The following SNTB1 variants were observed in gnomAD, a reference collection of about 807,000 sequenced individuals.
The protein encoded by SNTB1 is syntrophin beta 1.
Under a neutral mutation model 48.9 loss-of-function variants are expected in SNTB1, and 36 were observed. The ratio of observed to expected loss-of-function variants is 0.74; its 90% CI spans 0.56 to 0.97. The LOEUF (loss-of-function observed/expected upper bound fraction) is 0.97. Ranked by LOEUF, SNTB1 falls within the 50% of genes least tolerant of loss-of-function variation. The pLI is 0.00. For missense variants in SNTB1, 786 were observed against 703.4 expected, an observed-to-expected ratio of 1.12 and a Z score of -1.33; for synonymous variants, 299 against 294.6, an observed-to-expected ratio of 1.01 and a Z score of -0.15.
intron 3 of SNTB1, among the ~76,000 whole-genome samples, chr8:120,591,320 G>A (rs1816237132): frequency 6.6e-6 from 1 of 152,070 alleles, no homozygotes; most frequent in African/African-American, 2.4e-5. Flanking sequence ...GTGAGATTTA[G>A]CCTACTTCAT....
At chr8:120,741,551 G>A (rs1819041119) in intron 1 of SNTB1, among the ~76,000 whole-genome samples, 1 of 152,202 alleles carries the variant, frequency 6.6e-6, no homozygotes, top group Admixed American at 6.5e-5. Context: ...GGAGGTTGCA[G>A]TGAGCCGAGG....
intron 3 of SNTB1, among the ~76,000 whole-genome samples, chr8:120,589,513 A>C (rs1329334193): frequency 1.3e-5 from 2 of 152,228 alleles, no homozygotes; most frequent in Admixed American, 1.3e-4. Context: ...GGCTGCTATA[A>C]CAAATTACCA....
chr8:120,721,207 G>T (rs1818653928), intron 1 of SNTB1, among the ~76,000 whole-genome samples: 1 of 152,134 alleles, frequency 6.6e-6, no homozygotes, highest in Non-Finnish European at 1.5e-5. Context: ...TTTTTAATGA[G>T]AATTTACTTT....
At chr8:120,625,367 A>AC (rs1195175896) in intron 3 of SNTB1, among the ~76,000 whole-genome samples, 5 of 151,584 alleles carry the variant, frequency 3.3e-5, no homozygotes, top group Non-Finnish European at 5.9e-5. Flanking sequence ...AAATGTACAC[A>AC]CCCCCCTGTC....
chr8:120,746,574 G>GA lies in SNTB1; in HGVS notation c.572-52667dup, dbSNP rs1353686104. On this transcript the variant is annotated intron_variant, in intron 1 of 6. Coordinates refer to ENST00000517992, the MANE Select transcript of SNTB1 (RefSeq NM_021021.4). Reference sequence around the variant, plus strand: ...AATATTTACTCTTTGGCTCTTTACAGAAAAAATTTACCTACCCCAGCTTTA... The same window carrying GA: ...AATATTTACTCTTTGGCTCTTTACAGAAAAAAATTTACCTACCCCAGCTTTA... Among the ~76,000 whole-genome samples, 7 of 152,140 alleles carry GA rather than the reference G, an allele frequency of 4.6e-5. No individual in the cohort carries two copies. The East Asian group carries it at 5.8e-4, about 13-fold the overall frequency.
rs762313703 is a variant in SNTB1 at position 120,606,894 on chromosome 8, CTT to C, written c.996+25548_996+25549del. Among the ~76,000 whole-genome samples the C allele has an allele frequency of 1.8e-3, 272 of 152,270 alleles. 5 individuals carry two copies. The Middle Eastern group carries it at 0.061, about 34-fold the overall frequency. ...AAGTTAGGGAAAATAAAAGAATACT[CTT>C]TATCCCCACAATTACATACCATTGT... On this transcript the variant is annotated intron_variant, in intron 3 of 6. Transcript: ENST00000517992.
At chr8:120,644,328 A>T (rs1817246461) in intron 2 of SNTB1, among the ~76,000 whole-genome samples, 1 of 102,230 alleles carries the variant, frequency 9.8e-6, no homozygotes, top group Non-Finnish European at 1.9e-5. Context: ...CCACCCCACA[A>T]CAGTCCCCAG....
At chr8:120,810,169 A>G (rs1820401388) in intron 1 of SNTB1, among the ~76,000 whole-genome samples, 1 of 152,216 alleles carries the variant, frequency 6.6e-6, no homozygotes, top group Non-Finnish European at 1.5e-5. Context: ...ACCACTAAAT[A>G]AAAGACTCCA....
At chr8:120,625,369 C>G (rs763409812) in intron 3 of SNTB1, among the ~76,000 whole-genome samples, 57 of 152,126 alleles carry the variant, frequency 3.7e-4, no homozygotes, top group Admixed American at 2.4e-3. Flanking sequence ...ATGTACACAC[C>G]CCCCTGTCTT....
intron 1 of SNTB1, among the ~76,000 whole-genome samples, chr8:120,744,512 A>G (rs1320177839): frequency 6.6e-6 from 1 of 152,172 alleles, no homozygotes; most frequent in Non-Finnish European, 1.5e-5. Flanking sequence ...AGTTACTCTT[A>G]GTATGTTTGA....
rs537359689 is a variant in SNTB1 at position 120,781,421 on chromosome 8, T to C, written c.571+29852A>G. Among the ~76,000 whole-genome samples the C allele has an allele frequency of 3.9e-4, 60 of 152,200 alleles. 1 individual carries two copies. The South Asian group carries it at 0.012, about 32-fold the overall frequency. On this transcript the variant is annotated intron_variant, in intron 1 of 6. Transcript: ENST00000517992. ...TCACTTGGATAATGTATGAAAATGG[T>C]GAGAAAAAGAACCATGAAAACTATT...
chr8:120,743,340 T>C (rs1005351822), intron 1 of SNTB1, among the ~76,000 whole-genome samples: 1 of 152,188 alleles, frequency 6.6e-6, no homozygotes, highest in Admixed American at 6.5e-5. Context: ...CAGAGGTAAT[T>C]ATAAAACACG....
chr8:120,742,929 A>C (rs866205038), intron 1 of SNTB1, among the ~76,000 whole-genome samples: 2 of 152,210 alleles, frequency 1.3e-5, no homozygotes, highest in Non-Finnish European at 2.9e-5. Context: ...GGGGACCAGC[A>C]TAAAGCCAGA....
intron 2 of SNTB1, among the ~76,000 whole-genome samples, chr8:120,660,813 T>A (rs546452204): frequency 6.6e-6 from 1 of 152,334 alleles, no homozygotes; most frequent in Admixed American, 6.5e-5. Flanking sequence ...ACTTGAACAC[T>A]TAGAAACCTT....
chr8:120,683,263 T>C (rs1473363923), intron 2 of SNTB1, among the ~76,000 whole-genome samples: 1 of 152,182 alleles, frequency 6.6e-6, no homozygotes, highest in Non-Finnish European at 1.5e-5. Flanking sequence ...TGACTTTTGT[T>C]GATGATATAC....
intron 3 of SNTB1, among the ~76,000 whole-genome samples, chr8:120,617,212 C>T (rs991540118): frequency 6.6e-6 from 1 of 152,206 alleles, no homozygotes; most frequent in Non-Finnish European, 1.5e-5. Context: ...TTGGACACCC[C>T]TGGTGTAGAA....
chr8:120,644,737 C>T lies in SNTB1; in HGVS notation c.789-12086G>A, dbSNP rs1429685550. On this transcript the variant is annotated intron_variant, in intron 2 of 6. Coordinates refer to ENST00000517992, the MANE Select transcript of SNTB1 (RefSeq NM_021021.4). ...GTTCTAGATCCCTGAGGAATCACCA[C>T]ACTGACTTCCACAATGGTTGAACTA... is the stretch of plus-strand genomic sequence containing the variant. 3.1e-3 allele frequency among the ~76,000 whole-genome samples: 469 copies of T among 150,442 alleles called. 5 individuals carry two copies. Among genetic ancestry groups the T allele is most frequent in the African/African-American group, 0.011 (463 of 41,176 alleles).
intron 1 of SNTB1, among the ~76,000 whole-genome samples, chr8:120,699,855 G>T (rs1209327369): frequency 1.3e-5 from 2 of 152,042 alleles, no homozygotes; most frequent in Non-Finnish European, 2.9e-5. Flanking sequence ...ATTCTCTCAG[G>T]ACTTATTCTC....
intron 1 of SNTB1, among the ~76,000 whole-genome samples, chr8:120,700,589 G>C (rs1368673699): frequency 6.6e-6 from 1 of 152,206 alleles, no homozygotes; most frequent in African/African-American, 2.4e-5. Flanking sequence ...AAGGGGCGGA[G>C]AGGAGTCAGA....
Sources: gnomAD v4.1 joint callset for allele counts (sites outside exome capture counted in the v4.1 genomes callset) on GRCh38, gnomAD v4.1.1 for gene constraint, MANE v1.5 for transcripts, NCBI Gene and HGNC (gene_info 2026-07-23, HGNC 2026-07-21) for gene names.